PPP3CA: variants seen among roughly 807,000 people sequenced by gnomAD.
The protein encoded by PPP3CA is protein phosphatase 3 catalytic subunit alpha.
In PPP3CA, 14 loss-of-function variants were observed where a neutral mutation model predicts 66.5. The ratio of observed to expected loss-of-function variants is 0.21; its 90% CI spans 0.14 to 0.33. The LOEUF is 0.33. Among genes scored for constraint, PPP3CA ranks in the 10% least tolerant of loss-of-function variants. The pLI is 1.00. For synonymous variants in PPP3CA, 232 were observed against 226.2 expected, an observed-to-expected ratio of 1.03 and a Z score of -0.23; for missense variants, 317 against 639.5, an observed-to-expected ratio of 0.50 and a Z score of 5.44.
intron 2 of PPP3CA, among the ~76,000 whole-genome samples, chr4:101,120,128 AATCT>A (rs756632901): frequency 6.6e-6 from 1 of 152,112 alleles, no homozygotes; most frequent in African/African-American, 2.4e-5. Flanking sequence ...AGATTTTAAA[AATCT>A]ATCTTTCATT....
At chr4:101,292,169 T>C (rs574121810) in intron 1 of PPP3CA, among the ~76,000 whole-genome samples, 5 of 151,880 alleles carry the variant, frequency 3.3e-5, no homozygotes, top group Admixed American at 1.3e-4. Flanking sequence ...CCTAAAAAGT[T>C]CTAAAGTCTT....
At chr4:101,044,567 CAT>C (rs1727676174) in intron 10 of PPP3CA, among the ~76,000 whole-genome samples, 1 of 152,186 alleles carries the variant, frequency 6.6e-6, no homozygotes, top group Non-Finnish European at 1.5e-5. Flanking sequence ...GGTAGTATTT[CAT>C]ATGTTAGAAA....
chr4:101,190,029 T>C (rs1291429620), intron 2 of PPP3CA, among the ~76,000 whole-genome samples: 1 of 152,042 alleles, frequency 6.6e-6, no homozygotes, highest in Non-Finnish European at 1.5e-5. Context: ...ATTGGAAACA[T>C]GAGTATAAAA....
intron 10 of PPP3CA, among the ~76,000 whole-genome samples, chr4:101,059,696 A>G (rs768310570): frequency 1.3e-5 from 2 of 152,126 alleles, no homozygotes; most frequent in Middle Eastern, 3.2e-3. Flanking sequence ...TATACATTTT[A>G]TCCATTTAAA....
intron 2 of PPP3CA, among the ~76,000 whole-genome samples, chr4:101,163,192 T>C (rs1413724072): frequency 6.6e-6 from 1 of 152,154 alleles, no homozygotes; most frequent in African/African-American, 2.4e-5. Context: ...TGCATGGCAG[T>C]TTCCTGGACT....
At chr4:101,331,489 G>A (rs1040038348) in intron 1 of PPP3CA, among the ~76,000 whole-genome samples, 1 of 152,148 alleles carries the variant, frequency 6.6e-6, no homozygotes, top group Non-Finnish European at 1.5e-5. Flanking sequence ...CTGCCCCTCA[G>A]AGATTTCTCA....
At chr4:101,110,278 A>T (rs1397224146) in intron 2 of PPP3CA, among the ~76,000 whole-genome samples, 1 of 152,218 alleles carries the variant, frequency 6.6e-6, no homozygotes, top group Non-Finnish European at 1.5e-5. Flanking sequence ...AAGTTATTAA[A>T]ATGTTTTAAA....
intron 1 of PPP3CA, among the ~76,000 whole-genome samples, chr4:101,253,502 A>G (rs1726742704): frequency 6.6e-6 from 1 of 152,144 alleles, no homozygotes; most frequent in Non-Finnish European, 1.5e-5. Flanking sequence ...TTTGTGATAC[A>G]TAAAATCTAT....
chr4:101,262,424 T>C (rs10016669), intron 1 of PPP3CA, among the ~76,000 whole-genome samples: 1 of 151,954 alleles, frequency 6.6e-6, no homozygotes, highest in African/African-American at 2.4e-5. Flanking sequence ...TTTGTATTTA[T>C]TTTTTGTCTG....
In PPP3CA at chr4:101,169,289, AC is replaced by A. The variant is rs567319602; in HGVS notation, c.259+26626del. ...GTGAAATTCATCACTTTTACCTTCT[AC>A]ATGGATTTAGCACAGTGCGTAGAGA... On this transcript the variant is annotated intron_variant, in intron 2 of 13. Coordinates refer to ENST00000394854, the MANE Select transcript of PPP3CA (RefSeq NM_000944.5). Among the ~76,000 whole-genome samples the A allele has an allele frequency of 3.9e-3, 601 of 152,312 alleles. 2 individuals carry two copies. Among genetic ancestry groups the A allele is most frequent in the South Asian group, 8.3e-3 (40 of 4,828 alleles).
Position 101,040,536 on chromosome 4 carries a change from A to G in PPP3CA, c.1187T>C (p.Ile396Thr). 1 of 1,613,150 alleles carries G rather than the reference A, an allele frequency of 6.2e-7. No homozygotes were observed. The highest frequency in any genetic ancestry group is 2.2e-5 in the East Asian group (1 of 44,840). Residue 396 changes from isoleucine to threonine, a missense_variant, in exon 11 of 14, where the codon ATA becomes ACA. Transcript: ENST00000394854. The stretch of plus-strand genomic sequence containing the variant: ...GCCTATTGCTCGGATCTTGTTCCTT[A>G]TCACCTCTTTCCGGGCTGCAGCTGT... ...GATAAARKEVIRNKIRAIGKM... is the reference protein window; with the variant it reads ...GATAAARKEVTRNKIRAIGKM...
intron 1 of PPP3CA, among the ~76,000 whole-genome samples, chr4:101,330,587 T>C (rs1010161321): frequency 1.3e-5 from 2 of 152,166 alleles, no homozygotes; most frequent in African/African-American, 4.8e-5. Flanking sequence ...AACTTTAACA[T>C]GCATTGTGAA....
chr4:101,299,728 T>A (rs1002139965), intron 1 of PPP3CA, among the ~76,000 whole-genome samples: 1 of 152,210 alleles, frequency 6.6e-6, no homozygotes. Flanking sequence ...ACCAAATATG[T>A]ACAGAGCCTC....
At chr4:101,344,317 T>G (rs1272460815) in intron 1 of PPP3CA, among the ~76,000 whole-genome samples, 1 of 152,140 alleles carries the variant, frequency 6.6e-6, no homozygotes, top group Non-Finnish European at 1.5e-5. Flanking sequence ...AAATAGATTA[T>G]CTCAAATAAC....
At chr4:101,071,656 G>C (rs944243307) in intron 8 of PPP3CA, among the ~76,000 whole-genome samples, 1 of 152,176 alleles carries the variant, frequency 6.6e-6, no homozygotes, top group African/African-American at 2.4e-5. Context: ...ACTTGGCAAT[G>C]AATCTGTATG....
chr4:101,295,442 C>T (rs1055572077), intron 1 of PPP3CA, among the ~76,000 whole-genome samples: 2 of 151,664 alleles, frequency 1.3e-5, no homozygotes, highest in Non-Finnish European at 2.9e-5. Flanking sequence ...AAAGCTTACA[C>T]AGGTGGAAAA....
intron 1 of PPP3CA, among the ~76,000 whole-genome samples, chr4:101,317,499 T>C (rs1728918491): frequency 6.6e-6 from 1 of 152,178 alleles, no homozygotes; most frequent in South Asian, 2.1e-4. Context: ...CTATGTGTTT[T>C]AGTATATTTT....
chr4:101,132,025 G>A (rs1485361809), intron 2 of PPP3CA, among the ~76,000 whole-genome samples: 2 of 152,102 alleles, frequency 1.3e-5, no homozygotes, highest in South Asian at 4.1e-4. Context: ...ACCAAATGAA[G>A]GCAGACATAA....
At chr4:101,039,042 C>T (rs1727387957) in intron 11 of PPP3CA, among the ~76,000 whole-genome samples, 1 of 106,148 alleles carries the variant, frequency 9.4e-6, no homozygotes, top group African/African-American at 3.2e-5. Flanking sequence ...ATCTGAGGCA[C>T]AATAAATAAA....
Sources: allele counts gnomAD v4.1 joint callset (sites outside exome capture counted in the v4.1 genomes callset), GRCh38; gene constraint gnomAD v4.1.1; transcripts MANE v1.5; gene names NCBI Gene and HGNC (gene_info 2026-07-23, HGNC 2026-07-21).